Variants in DENND1A observed in about 807,000 individuals in gnomAD.
DENND1A encodes the protein DENN domain containing 1A.
Under a neutral mutation model 113.7 loss-of-function variants are expected in DENND1A, and 51 were observed. The observed-to-expected ratio is 0.45, with a 90% confidence interval of 0.36 to 0.57. The LOEUF (loss-of-function observed/expected upper bound fraction) is 0.57, where lower values mean the gene tolerates loss of function less well. Ranked by LOEUF, DENND1A falls within the 20% of genes least tolerant of loss-of-function variation. The pLI, the probability that DENND1A is intolerant of heterozygous loss-of-function variation, is 0.00. For missense variants in DENND1A, 1,258 were observed against 1,395.9 expected (o/e 0.90, Z 1.57); for synonymous variants, 565 against 570.8 (o/e 0.99, Z 0.14).
intron 13 of DENND1A, among the ~76,000 whole-genome samples, chr9:123,500,339 T>C (rs1588866509): frequency 2.0e-5 from 3 of 152,280 alleles, no homozygotes; most frequent in Non-Finnish European, 4.4e-5. Flanking sequence ...GCTTGGCAGA[T>C]AGGGTGGAAT....
chr9:123,786,742 C>T (rs1832239794), intron 3 of DENND1A, among the ~76,000 whole-genome samples: 1 of 152,144 alleles, frequency 6.6e-6, no homozygotes, highest in Admixed American at 6.6e-5. Context: ...AAAATGTGAT[C>T]CATTTGACCC....
chr9:123,848,192 C>T (rs1590353059), intron 2 of DENND1A, among the ~76,000 whole-genome samples: 1 of 111,580 alleles, frequency 9.0e-6, no homozygotes, highest in East Asian at 2.6e-4. Flanking sequence ...TTTGTATGGG[C>T]ATAGTTTGTT....
At chr9:123,738,327 A>T (rs2068722769) in intron 5 of DENND1A, among the ~76,000 whole-genome samples, 1 of 152,106 alleles carries the variant, frequency 6.6e-6, no homozygotes, top group African/African-American at 2.4e-5. Flanking sequence ...TCTGGGCCAG[A>T]TTACATCAAA....
rs534617497 is a variant in DENND1A at position 123,519,609 on chromosome 9, G to A, written c.993+37961C>T. Among the ~76,000 whole-genome samples, 6 of 152,204 alleles carry A rather than the reference G, an allele frequency of 3.9e-5. No individual in the cohort carries two copies. The East Asian group carries it at 1.2e-3, about 29-fold the overall frequency. ...AATTTTTATATTTTTAGTAGAGAAAGGTTTCTGTCATGTTGGCCAGGCCGG... is the reference window on the plus strand; with the variant it reads ...AATTTTTATATTTTTAGTAGAGAAAAGTTTCTGTCATGTTGGCCAGGCCGG... On this transcript the variant is annotated intron_variant, in intron 13 of 23. Coordinates refer to ENST00000394215, the MANE Select transcript of DENND1A (RefSeq NM_001352964.2).
intron 7 of DENND1A, among the ~76,000 whole-genome samples, chr9:123,669,783 G>A (rs559637335): frequency 1.3e-5 from 2 of 152,306 alleles, no homozygotes; most frequent in South Asian, 4.1e-4. Flanking sequence ...CTCCCCTGCC[G>A]TATGAGAATT....
intron 1 of DENND1A, among the ~76,000 whole-genome samples, chr9:123,924,820 C>T (rs73669019): frequency 0.051 from 7,717 of 152,228 alleles, 629 homozygotes; most frequent in African/African-American, 0.17. Flanking sequence ...TGCCATCAGT[C>T]ACTACTCAAA....
intron 2 of DENND1A, among the ~76,000 whole-genome samples, chr9:123,811,483 G>A (rs1470043115): frequency 6.6e-6 from 1 of 152,206 alleles, no homozygotes; most frequent in Non-Finnish European, 1.5e-5. Flanking sequence ...TCCACGGCTG[G>A]GCATGGTGGC....
intron 7 of DENND1A, among the ~76,000 whole-genome samples, chr9:123,668,504 T>C (rs2063599296): frequency 6.6e-6 from 1 of 152,206 alleles, no homozygotes; most frequent in Admixed American, 6.5e-5. Context: ...TATCTCCATA[T>C]TACAAATGGG....
At position 123,924,728 on chromosome 9, in the gene DENND1A, G is replaced by A. The variant is rs193177895; in HGVS notation, c.17+5161C>T. The stretch of plus-strand genomic sequence containing the variant: ...TAAGATTCACATACTATAAAATTTC[G>A]TATCTTAAACAGTTTTCAGATTACC... On this transcript the variant is annotated intron_variant, in intron 1 of 23. Coordinates refer to ENST00000394215, the MANE Select transcript of DENND1A (RefSeq NM_001352964.2). 2.4e-3 allele frequency among the ~76,000 whole-genome samples: 371 copies of A among 151,542 alleles called. 4 individuals are homozygous for A. The highest frequency in any genetic ancestry group is 8.0e-3 in the African/African-American group (329 of 41,252).
At chr9:123,572,685 G>C (rs950356899) in intron 12 of DENND1A, among the ~76,000 whole-genome samples, 1 of 151,958 alleles carries the variant, frequency 6.6e-6, no homozygotes, top group Non-Finnish European at 1.5e-5. Context: ...AATATATTTT[G>C]GATAAAAGTC....
At chr9:123,652,502 GC>G (rs1312830578) in intron 8 of DENND1A, among the ~76,000 whole-genome samples, 1 of 152,228 alleles carries the variant, frequency 6.6e-6, no homozygotes. Flanking sequence ...AGACAGGACT[GC>G]TGCTCAAATC....
At chr9:123,489,963 T>C (rs1305827383) in intron 13 of DENND1A, among the ~76,000 whole-genome samples, 1 of 152,032 alleles carries the variant, frequency 6.6e-6, no homozygotes, top group East Asian at 1.9e-4. Flanking sequence ...ATAAAATCTG[T>C]AAAGAAGCTG....
At chr9:123,495,859 G>A (rs533528937) in intron 13 of DENND1A, among the ~76,000 whole-genome samples, 69 of 152,330 alleles carry the variant, frequency 4.5e-4, no homozygotes, top group Middle Eastern at 3.4e-3. Flanking sequence ...GTTCCTTAGC[G>A]GTATACATGC....
rs1354300729 is a variant in DENND1A, at chr9:123,929,998, C to A, written c.-93G>T. 4 of 261,924 alleles carry A rather than the reference C, an allele frequency of 1.5e-5. No individual in the cohort carries two copies. Among genetic ancestry groups the A allele is most frequent in the Non-Finnish European group, 2.8e-5 (4 of 141,490 alleles). The allele number at this position is 261,924 out of a possible 1,614,324, so 16.2% of individuals were successfully genotyped here. A position where few individuals can be genotyped will look rare whatever the true frequency, so the allele number is the denominator to read the frequency against. On this transcript the variant is annotated 5_prime_UTR_variant, in exon 1 of 24. Coordinates refer to ENST00000394215, the MANE Select transcript of DENND1A (RefSeq NM_001352964.2). ...GACCGGCCTCCCTCTGGCGCTCTCCCCGCCCCTTCCTCCCTTCCCTCAGGC... is the reference window on the plus strand; with the variant it reads ...GACCGGCCTCCCTCTGGCGCTCTCCACGCCCCTTCCTCCCTTCCCTCAGGC...
intron 2 of DENND1A, among the ~76,000 whole-genome samples, chr9:123,819,918 T>G (rs940743212): frequency 6.6e-6 from 1 of 152,146 alleles, no homozygotes; most frequent in Non-Finnish European, 1.5e-5. Context: ...TATTCTAAAT[T>G]GAAACTTAAA....
At chr9:123,404,359 C>T (rs539525765) in intron 20 of DENND1A, among the ~76,000 whole-genome samples, 1 of 152,344 alleles carries the variant, frequency 6.6e-6, no homozygotes, top group Non-Finnish European at 1.5e-5. Context: ...TTTGGCATGG[C>T]CATCTCTGTA....
intron 5 of DENND1A, among the ~76,000 whole-genome samples, chr9:123,697,532 T>C (rs1039443778): frequency 5.3e-5 from 8 of 152,208 alleles, no homozygotes; most frequent in African/African-American, 9.6e-5. Flanking sequence ...TTTTATCTCT[T>C]GCCCCGTCCC....
intron 3 of DENND1A, among the ~76,000 whole-genome samples, chr9:123,789,166 A>C (rs1398865016): frequency 6.6e-6 from 1 of 151,980 alleles, no homozygotes; most frequent in Non-Finnish European, 1.5e-5. Flanking sequence ...ACCAGATTTT[A>C]AATGAAATAT....
intron 13 of DENND1A, among the ~76,000 whole-genome samples, chr9:123,496,459 G>T (rs781022958): frequency 9.2e-5 from 14 of 152,118 alleles, no homozygotes; most frequent in Non-Finnish European, 2.1e-4. Flanking sequence ...AGACAGACAG[G>T]TCTTCATTTC....
Sources: gnomAD v4.1 joint callset for allele counts (sites outside exome capture counted in the v4.1 genomes callset) on GRCh38, gnomAD v4.1.1 for gene constraint, MANE v1.5 for transcripts, NCBI Gene and HGNC (gene_info 2026-07-23, HGNC 2026-07-21) for gene names.